Variants in TMEM8B observed in about 807,000 individuals in gnomAD.
The protein encoded by TMEM8B is nasopharyngeal carcinoma expressed 6.
A neutral mutation model predicts 49.3 loss-of-function variants in TMEM8B; 29 were observed. That is an observed-to-expected ratio of 0.59 (90% CI 0.44 to 0.80). TMEM8B has a LOEUF of 0.80. Among genes scored for constraint, TMEM8B ranks in the 30% least tolerant of loss-of-function variants. The probability of loss-of-function intolerance (pLI) is 0.00; values close to 1 mark genes in which losing one functional copy is unlikely to be tolerated. For missense variants in TMEM8B, 575 were observed against 658.5 expected, an observed-to-expected ratio of 0.87 and a Z score of 1.39; for synonymous variants, 264 against 272.8, an observed-to-expected ratio of 0.97 and a Z score of 0.32.
rs1830982408 is a variant in TMEM8B, at chr9:35,841,488, G to C, written c.1041-38G>C. The stretch of plus-strand genomic sequence containing the variant: ...CTTGCCCTGTGTTCCTCTCGCCTCT[G>C]TTTGTGCCTTCTTACCCCCAACCTC... On this transcript the variant is annotated intron_variant, in intron 4 of 12. Coordinates refer to ENST00000643932, the MANE Select transcript of TMEM8B (RefSeq NM_001042590.4). This position sits in a 1 kb window ranked among gnomAD's most constrained non-coding sequence, Gnocchi z 5.9. The C allele has an allele frequency of 2.4e-6, 1 of 416,050 alleles. No individual in the cohort carries two copies. The highest frequency in any genetic ancestry group is 4.4e-6 in the Non-Finnish European group (1 of 227,578). 25.8% of individuals were successfully genotyped at this position (416,050 alleles called of 1,614,324 possible).
At chr9:35,846,704 C>T in intron 9 of TMEM8B, 93 bp downstream of exon 9, 1 of 1,543,644 alleles carries the variant, frequency 6.5e-7, no homozygotes, top group Non-Finnish European at 8.7e-7. Flanking sequence ...AGTGCGCAGC[C>T]TGAATTGGGG....
At position 35,854,048 on chromosome 9, in the gene TMEM8B, CCTT is replaced by C; in HGVS notation, c.*212_*214del. 2 of 1,295,344 alleles carry C rather than the reference CCTT, an allele frequency of 1.5e-6. No individual in the cohort carries two copies. Among genetic ancestry groups the C allele is most frequent in the Non-Finnish European group, 1.9e-6 (2 of 1,025,972 alleles). 80.2% of individuals were successfully genotyped at this position (1,295,344 alleles called of 1,614,324 possible). A position where few individuals can be genotyped will look rare whatever the true frequency, so the allele number is the denominator to read the frequency against. ...CTGGAGTCCCCCTGCATCATGGAGT[CCTT>C]CTTAAGGACTGGAGCCTATGCAGGC... On this transcript the variant is annotated 3_prime_UTR_variant, in exon 13 of 13. Transcript: ENST00000643932.
At position 35,842,609 on chromosome 9, in the gene TMEM8B, T is replaced by C. The variant is rs757311989; in HGVS notation, c.1527T>C (p.Phe509=). Residue 509 remains phenylalanine (F), a synonymous_variant, in exon 6 of 13, where the codon TTT becomes TTC. Coordinates refer to ENST00000643932, the MANE Select transcript of TMEM8B (RefSeq NM_001042590.4). This position sits in a 1 kb window ranked among gnomAD's most constrained non-coding sequence, Gnocchi z 5.6. ...TCTCTGTCCACTTCTACATCTTCTT[T>C]GGCCCAAGTGTGGCCCTTCCCCCTG... is the stretch of plus-strand genomic sequence containing the variant. ...DTFSVHFYIF[F]GPSVALPPER... is the part of the protein sequence containing the mutation. The C allele has an allele frequency of 1.9e-6, 3 of 1,614,248 alleles. No individual in the cohort carries two copies. The highest frequency in any genetic ancestry group is 2.5e-6 in the Non-Finnish European group (3 of 1,180,040).
At chr9:35,839,101 T>G (rs769373584) in intron 3 of TMEM8B, among the ~76,000 whole-genome samples, 1 of 152,248 alleles carries the variant, frequency 6.6e-6, no homozygotes, top group Non-Finnish European at 1.5e-5. Flanking sequence ...CAGAGAAGGC[T>G]AAGTGTCTTT....
Position 35,846,338 on chromosome 9 carries a change from A to G in TMEM8B, c.1810A>G (p.Thr604Ala). 6.2e-7 allele frequency: 1 copy of G among 1,614,026 alleles called. No homozygotes were observed. Among genetic ancestry groups the G allele is most frequent in the South Asian group, 1.1e-5 (1 of 91,084 alleles). Reference sequence around the variant, plus strand: ...GCGAATCCCATTCCCGCAGACGGGGACCTGGTTCCTGGCCCTCCGCTCCCT... The same window carrying G: ...GCGAATCCCATTCCCGCAGACGGGGGCCTGGTTCCTGGCCCTCCGCTCCCT... ...RLRIPFPQTGTWFLALRSLCG... is the reference protein window; with the variant it reads ...RLRIPFPQTGAWFLALRSLCG... Residue 604 changes from threonine (T) to alanine (A), a missense_variant, in exon 8 of 13, where the codon ACC becomes GCC. Coordinates refer to ENST00000643932, the MANE Select transcript of TMEM8B (RefSeq NM_001042590.4).
At chr9:35,838,367 C>T (rs1015291883) in intron 3 of TMEM8B, among the ~76,000 whole-genome samples, 1 of 152,020 alleles carries the variant, frequency 6.6e-6, no homozygotes, top group Non-Finnish European at 1.5e-5. Flanking sequence ...TGTGACTTTA[C>T]AGAACTGTCC....
chr9:35,859,487 G>C lies in TMEM8B; in HGVS notation c.*5647G>C, dbSNP rs528242171. 5.2e-5 allele frequency: 8 copies of C among 153,822 alleles called. No homozygotes were observed. Among genetic ancestry groups the C allele is most frequent in the African/African-American group, 1.9e-4 (8 of 41,590 alleles). The allele number at this position is 153,822 out of a possible 1,614,324, so 9.5% of individuals were successfully genotyped here. A position where few individuals can be genotyped will look rare whatever the true frequency, so the allele number is the denominator to read the frequency against. Reference sequence around the variant, plus strand: ...AGTTGATGACGTGGCCACAGAAGGGGAGGTGCCAGACAAGGATGGACTGTA... The same window carrying C: ...AGTTGATGACGTGGCCACAGAAGGGCAGGTGCCAGACAAGGATGGACTGTA... On this transcript the variant is annotated 3_prime_UTR_variant, in exon 13 of 13. Transcript: ENST00000643932.
Position 35,860,500 on chromosome 9 carries a change from C to G in TMEM8B, c.*6660C>G, listed in dbSNP as rs1212772392. On this transcript the variant is annotated 3_prime_UTR_variant, in exon 13 of 13. Transcript: ENST00000643932. ...TTCCACACCTGTCACAGGCGCTGCC[C>G]CACTCCCTGAGTCAGGTGAGATGAG... 2 of 152,208 alleles carry G rather than the reference C, an allele frequency of 1.3e-5. No homozygotes were observed. Among genetic ancestry groups the G allele is most frequent in the East Asian group, 3.8e-4 (2 of 5,200 alleles). 9.4% of individuals were successfully genotyped at this position (152,208 alleles called of 1,614,324 possible). A position where few individuals can be genotyped will look rare whatever the true frequency, so the allele number is the denominator to read the frequency against.
At position 35,847,013 on chromosome 9, in the gene TMEM8B, C is replaced by T. The variant is rs1373838745; in HGVS notation, c.2175+18C>T. ...TCTCCACGGTATGCGGTGGTGTCTG[C>T]ATCTTATCACTGGGTGCTTGTGCAT... is the stretch of plus-strand genomic sequence containing the variant. On this transcript the variant is annotated intron_variant, in intron 10 of 12. Transcript: ENST00000643932. The T allele has an allele frequency of 6.2e-7, 1 of 1,614,098 alleles. No individual in the cohort carries two copies. The highest frequency in any genetic ancestry group is 1.3e-5 in the African/African-American group (1 of 74,938).
rs777250063 is a variant in TMEM8B at position 35,853,858 on chromosome 9, G to C, written c.*18G>C. 6.6e-7 allele frequency: 1 copy of C among 1,518,304 alleles called. No homozygotes were observed. The highest frequency in any genetic ancestry group is 2.3e-5 in the East Asian group (1 of 44,206). 94.1% of individuals were successfully genotyped at this position (1,518,304 alleles called of 1,614,324 possible). A position where few individuals can be genotyped will look rare whatever the true frequency, so the allele number is the denominator to read the frequency against. ...CCAGCTGAGAGGGGCTTTGGGCCTG[G>C]CCCTGAGGGGATATGAATGCTTCCT... is the stretch of plus-strand genomic sequence containing the variant. On this transcript the variant is annotated 3_prime_UTR_variant, in exon 13 of 13. Transcript: ENST00000643932. The surrounding 1 kb of genome is among the most constrained non-coding windows in gnomAD (Gnocchi z 4.2).
Position 35,855,506 on chromosome 9 carries a change from G to T in TMEM8B, c.*1666G>T, listed in dbSNP as rs932661648. 2 of 152,140 alleles carry T rather than the reference G, an allele frequency of 1.3e-5. No homozygotes were observed. The highest frequency in any genetic ancestry group is 2.9e-5 in the Non-Finnish European group (2 of 68,120). 9.4% of individuals were successfully genotyped at this position (152,140 alleles called of 1,614,324 possible). ...CCTCCCGGGTTCAAGTGATTCTCCT[G>T]TCTCAGCCTCCCGAGTAGCTGGGAT... On this transcript the variant is annotated 3_prime_UTR_variant, in exon 13 of 13. Coordinates refer to ENST00000643932, the MANE Select transcript of TMEM8B (RefSeq NM_001042590.4).
rs777381951 is a variant in TMEM8B at position 35,847,002 on chromosome 9, G to A, written c.2175+7G>A. The A allele has an allele frequency of 6.5e-5, 105 of 1,614,058 alleles. No homozygotes were observed. Among genetic ancestry groups the A allele is most frequent in the Non-Finnish European group, 8.5e-5 (100 of 1,180,050 alleles). On this transcript the variant is annotated splice_region_variant and intron_variant, in intron 10 of 12. Transcript: ENST00000643932. ...CACCATGTTCTTCTCCACGGTATGC[G>A]GTGGTGTCTGCATCTTATCACTGGG...
rs747888952 is a variant in TMEM8B at position 35,864,378 on chromosome 9, A to C, written c.*10538A>C. The stretch of plus-strand genomic sequence containing the variant: ...GAAAAGATAGGGGCATAACAAGAAG[A>C]AAGCTTCGGTTACAATTTCCCCGAA... On this transcript the variant is annotated 3_prime_UTR_variant, in exon 13 of 13. Transcript: ENST00000643932. The C allele has an allele frequency of 2.0e-5, 3 of 152,232 alleles. No homozygotes were observed. Among genetic ancestry groups the C allele is most frequent in the Non-Finnish European group, 2.9e-5 (2 of 68,044 alleles). 9.4% of individuals were successfully genotyped at this position (152,232 alleles called of 1,614,324 possible).
intron 1 of TMEM8B, among the ~76,000 whole-genome samples, chr9:35,831,565 G>A (rs1829901038): frequency 6.6e-6 from 1 of 152,216 alleles, no homozygotes; most frequent in Admixed American, 6.5e-5. Context: ...TAGCCAGTCA[G>A]GTTTTCAGTT....
At chr9:35,838,966 C>T (rs1564023862) in intron 3 of TMEM8B, among the ~76,000 whole-genome samples, 1 of 152,270 alleles carries the variant, frequency 6.6e-6, no homozygotes. Context: ...ACCACAGTAG[C>T]CTCATAAGTG....
chr9:35,853,131 C>T lies in TMEM8B; in HGVS notation c.2323-10C>T, dbSNP rs1374420121. On this transcript the variant is annotated splice_polypyrimidine_tract_variant and intron_variant, in intron 11 of 12. Coordinates refer to ENST00000643932, the MANE Select transcript of TMEM8B (RefSeq NM_001042590.4). The surrounding 1 kb of genome is among the most constrained non-coding windows in gnomAD (Gnocchi z 4.2). ...TGGCCCTAGCCCAGCCCTTGAGTCT[C>T]TTTCTCTAGGTGCTGTATTTGCTGG... 1.2e-6 allele frequency: 2 copies of T among 1,612,878 alleles called. No individual in the cohort carries two copies. Among genetic ancestry groups the T allele is most frequent in the Admixed American group, 3.3e-5 (2 of 60,000 alleles).
At position 35,856,726 on chromosome 9, in the gene TMEM8B, T is replaced by C. The variant is rs1041359765; in HGVS notation, c.*2886T>C. 1 of 152,160 alleles carries C rather than the reference T, an allele frequency of 6.6e-6. No homozygotes were observed. The highest frequency in any genetic ancestry group is 1.5e-5 in the Non-Finnish European group (1 of 68,014). The allele number at this position is 152,160 out of a possible 1,614,324, so 9.4% of individuals were successfully genotyped here. On this transcript the variant is annotated 3_prime_UTR_variant, in exon 13 of 13. Transcript: ENST00000643932. Reference sequence around the variant, plus strand: ...GAACTCTTTAGGACTTGGTGACTGATTGGGTGTGTGGGGTGGTGAGGTATG... The same window carrying C: ...GAACTCTTTAGGACTTGGTGACTGACTGGGTGTGTGGGGTGGTGAGGTATG...
In TMEM8B at chr9:35,854,666, G is replaced by GTT. The variant is rs1832443607; in HGVS notation, c.*827_*828insTT. On this transcript the variant is annotated 3_prime_UTR_variant, in exon 13 of 13. Coordinates refer to ENST00000643932, the MANE Select transcript of TMEM8B (RefSeq NM_001042590.4). ...CAGTATCTGAGGGGTGTGTGTGTGT[G>GTT]TGTGTGTGTTTATGTATGTATACGT... The GTT allele has an allele frequency of 6.6e-6, 1 of 152,074 alleles. No individual in the cohort carries two copies. Among genetic ancestry groups the GTT allele is most frequent in the Non-Finnish European group, 1.5e-5 (1 of 68,054 alleles). 9.4% of individuals were successfully genotyped at this position (152,074 alleles called of 1,614,324 possible).
At position 35,829,537 on chromosome 9, in the gene TMEM8B, C is replaced by T; in HGVS notation, c.90C>T (p.Pro30=). ...CCTCGCCCCGCTTCCCACATCGGCC[C>T]CAGCCCCTGCCTGGGTCCCCATCCA... ...APPSPRFPHR[P]QPLPGSPSRT... Residue 30 remains proline, a synonymous_variant, in exon 1 of 13, where the codon CCC becomes CCT. Transcript: ENST00000643932. 2.5e-6 allele frequency: 1 copy of T among 398,940 alleles called. No individual in the cohort carries two copies. 24.7% of individuals were successfully genotyped at this position (398,940 alleles called of 1,614,324 possible). A position where few individuals can be genotyped will look rare whatever the true frequency, so the allele number is the denominator to read the frequency against.
Sources: allele counts gnomAD v4.1 joint callset (sites outside exome capture counted in the v4.1 genomes callset), GRCh38; gene constraint gnomAD v4.1.1; non-coding constraint Gnocchi (gnomAD v3.1); transcripts MANE v1.5; gene names NCBI Gene and HGNC (gene_info 2026-07-23, HGNC 2026-07-21).